HDLBP: variants seen among roughly 807,000 people sequenced by gnomAD.
HDLBP encodes the protein vigilin.
HDLBP carries 30 observed loss-of-function variants against 137.3 expected under a neutral mutation model. The ratio of observed to expected loss-of-function variants is 0.22; its 90% CI spans 0.16 to 0.30. The LOEUF (loss-of-function observed/expected upper bound fraction) is 0.30. HDLBP is among the 10% of genes least tolerant of loss of function. The pLI is 1.00. For missense variants in HDLBP, 1,119 were observed against 1,667.3 expected (o/e 0.67, Z 5.73); for synonymous variants, 606 against 596.0 (o/e 1.02, Z -0.24).
At chr2:241,234,891 C>T (rs561600552) in intron 23 of HDLBP, among the ~76,000 whole-genome samples, 13 of 152,316 alleles carry the variant, frequency 8.5e-5, no homozygotes, top group South Asian at 4.1e-4. Flanking sequence ...CAAATTTACA[C>T]GGAAGTCCAA....
Position 241,235,277 on chromosome 2 carries a change from T to C in HDLBP, c.3010-22A>G, listed in dbSNP as rs1256368371. The C allele has an allele frequency of 9.9e-6, 16 of 1,613,902 alleles. No homozygotes were observed. In the Middle Eastern group the frequency reaches 6.6e-4, roughly 66 times the overall value. On this transcript the variant is annotated intron_variant, in intron 22 of 27. Coordinates refer to ENST00000310931, the MANE Select transcript of HDLBP (RefSeq NM_005336.6). Reference sequence around the variant, plus strand: ...TCACCTACGTGAAGAGGGGGCTGACTTGACGTTCAGGACCCCAGAGAACAG... The same window carrying C: ...TCACCTACGTGAAGAGGGGGCTGACCTGACGTTCAGGACCCCAGAGAACAG...
At position 241,272,286 on chromosome 2, in the gene HDLBP, A is replaced by G. The variant is rs2074125542; in HGVS notation, c.-102-3745T>C. ...GAAGGACCCCGCTGGCCTCCCAGGGACCCCCACCCTGGCCGCACACGGCGC... is the reference window on the plus strand; with the variant it reads ...GAAGGACCCCGCTGGCCTCCCAGGGGCCCCCACCCTGGCCGCACACGGCGC... On this transcript the variant is annotated intron_variant, in intron 1 of 27. Transcript: ENST00000310931. The surrounding 1 kb of genome is among the most constrained non-coding windows in gnomAD (Gnocchi z 5.6). 1 of 975,132 alleles carries G rather than the reference A, an allele frequency of 1.0e-6. No homozygotes were observed. Among genetic ancestry groups the G allele is most frequent in the Admixed American group, 6.2e-5 (1 of 16,056 alleles). The allele number at this position is 975,132 out of a possible 1,614,324, so 60.4% of individuals were successfully genotyped here.
At chr2:241,296,374 A>C (rs2075182794) in intron 1 of HDLBP, among the ~76,000 whole-genome samples, 1 of 152,214 alleles carries the variant, frequency 6.6e-6, no homozygotes, top group South Asian at 2.1e-4. Context: ...GGAGATCTGG[A>C]TGTAAACAAT....
chr2:241,251,381 C>A (rs1011735755), intron 11 of HDLBP, among the ~76,000 whole-genome samples: 2 of 152,224 alleles, frequency 1.3e-5, no homozygotes, highest in Admixed American at 6.5e-5. Context: ...GTCGCTGTCA[C>A]GTAAAATGCC....
At chr2:241,290,991 G>C (rs952075091) in intron 1 of HDLBP, among the ~76,000 whole-genome samples, 5 of 152,174 alleles carry the variant, frequency 3.3e-5, no homozygotes, top group Admixed American at 1.3e-4. Flanking sequence ...GTTTTAACAG[G>C]AAACTCTGGA....
intron 1 of HDLBP, among the ~76,000 whole-genome samples, chr2:241,296,289 T>C (rs1284535770): frequency 6.6e-6 from 1 of 152,208 alleles, no homozygotes; most frequent in African/African-American, 2.4e-5. Flanking sequence ...TGGGCCAATT[T>C]GTTATCCATT....
At chr2:241,249,706 AAT>A in intron 12 of HDLBP, 133 bp downstream of exon 12, 1 of 821,150 alleles carries the variant, frequency 1.2e-6, no homozygotes, top group South Asian at 1.8e-5. Context: ...CAGGGAGTCC[AAT>A]CCGGTTCCAG....
intron 1 of HDLBP, among the ~76,000 whole-genome samples, chr2:241,299,465 A>G (rs1306429843): frequency 7.2e-6 from 1 of 138,772 alleles, no homozygotes; most frequent in Non-Finnish European, 1.5e-5. Flanking sequence ...GGTTGCAGTG[A>G]GCCAAGATGG....
In HDLBP at chr2:241,255,521, A is replaced by G. The variant is rs2072544829; in HGVS notation, c.933T>C (p.Ile311=). 1 of 1,614,038 alleles carries G rather than the reference A, an allele frequency of 6.2e-7. No individual in the cohort carries two copies. Among genetic ancestry groups the G allele is most frequent in the East Asian group, 2.2e-5 (1 of 44,892 alleles). The change falls in exon 8 of 28, where the codon ATT becomes ATC. Residue 311 remains isoleucine, a synonymous_variant. Transcript: ENST00000310931. ...EVKKSQHKYV[I]GPKGNSLQEI... is the part of the protein sequence containing the mutation. ...CCTGCAATGAATTGCCCTTGGGCCCAATGACATACTTGTGTTGGGATTTCT... is the reference window on the plus strand; with the variant it reads ...CCTGCAATGAATTGCCCTTGGGCCCGATGACATACTTGTGTTGGGATTTCT...
chr2:241,254,944 C>T, intron 9 of HDLBP, 107 bp downstream of exon 9: 1 of 846,226 alleles, frequency 1.2e-6, no homozygotes. Context: ...AAAAATACAC[C>T]AGTTTTCAAG....
intron 8 of HDLBP, 22 bp downstream of exon 8, chr2:241,255,352 C>T (rs2072534808): frequency 1.9e-6 from 3 of 1,607,460 alleles, no homozygotes; most frequent in Admixed American, 1.7e-5. Flanking sequence ...AGGAGACACA[C>T]TTCATGCTCG....
intron 11 of HDLBP, among the ~76,000 whole-genome samples, chr2:241,251,636 C>G (rs563872012): frequency 6.6e-6 from 1 of 152,200 alleles, no homozygotes; most frequent in Admixed American, 6.5e-5. Context: ...TTTCAGAACA[C>G]GCGAGTGTGT....
intron 10 of HDLBP, 48 bp from the exon 11 acceptor site, chr2:241,253,083 A>G (rs1346468118): frequency 1.1e-5 from 16 of 1,421,960 alleles, no homozygotes; most frequent in Non-Finnish European, 1.5e-5. Flanking sequence ...TTACTTGGCC[A>G]ATGAGCTGAA....
intron 1 of HDLBP, chr2:241,280,085 A>G: frequency 2.0e-6 from 2 of 985,366 alleles, no homozygotes; most frequent in Non-Finnish European, 2.4e-6. Context: ...TCTTATAGGA[A>G]GTTATTGGCA....
At chr2:241,245,548 C>T (rs771137009) in intron 16 of HDLBP, among the ~76,000 whole-genome samples, 1 of 152,192 alleles carries the variant, frequency 6.6e-6, no homozygotes, top group Non-Finnish European at 1.5e-5. Context: ...CACCTGTAAT[C>T]CCAGCAGTTT....
chr2:241,248,568 T>A (rs1325476719), intron 12 of HDLBP, among the ~76,000 whole-genome samples: 1 of 152,144 alleles, frequency 6.6e-6, no homozygotes, highest in East Asian at 1.9e-4. Flanking sequence ...CTCCGCAACA[T>A]GGGCTGCACG....
rs769686898 is a variant in HDLBP at position 241,233,859 on chromosome 2, G to A, written c.3249C>T (p.Asp1083=). ...CCTTATCAGGAAACTGGATGTTCAC[G>A]TCATGCTCCAACCGGATTTGGGTAA... is the stretch of plus-strand genomic sequence containing the variant. ...AVITQIRLEH[D]VNIQFPDKDD... The change falls in exon 24 of 28, where the codon GAC becomes GAT. Residue 1083 remains aspartate (D), a synonymous_variant. Coordinates refer to ENST00000310931, the MANE Select transcript of HDLBP (RefSeq NM_005336.6). The surrounding 1 kb of genome is among the most constrained non-coding windows in gnomAD (Gnocchi z 4.3). The A allele has an allele frequency of 3.1e-6, 5 of 1,614,080 alleles. No individual in the cohort carries two copies. Among genetic ancestry groups the A allele is most frequent in the African/African-American group, 2.7e-5 (2 of 74,918 alleles).
intron 3 of HDLBP, 61 bp from the exon 4 acceptor site, chr2:241,264,666 TTTAAGG>T (rs1324273697): frequency 2.9e-5 from 45 of 1,530,796 alleles, no homozygotes; most frequent in Non-Finnish European, 4.0e-5. Flanking sequence ...GAAAAACACT[TTTAAGG>T]GTTTTAGTGC....
At chr2:241,277,537 TGAGAA>T (rs1271713879) in intron 1 of HDLBP, among the ~76,000 whole-genome samples, 1 of 152,216 alleles carries the variant, frequency 6.6e-6, no homozygotes, top group African/African-American at 2.4e-5. Context: ...AGAATTCTAT[TGAGAA>T]GAGTAGTGTC....
Sources: allele counts gnomAD v4.1 joint callset (sites outside exome capture counted in the v4.1 genomes callset), GRCh38; gene constraint gnomAD v4.1.1; non-coding constraint Gnocchi (gnomAD v3.1); transcripts MANE v1.5; gene names NCBI Gene and HGNC (gene_info 2026-07-23, HGNC 2026-07-21).